The following ROBO2 variants were observed in gnomAD, a reference collection of about 807,000 sequenced individuals.
The protein encoded by ROBO2 is roundabout guidance receptor 2.
Under a neutral mutation model 160.8 loss-of-function variants are expected in ROBO2, and 53 were observed. The observed-to-expected ratio is 0.33, with a 90% CI of 0.26 to 0.41. The LOEUF (loss-of-function observed/expected upper bound fraction) is 0.41. ROBO2 is among the 10% of genes least tolerant of loss of function. The pLI, the probability that ROBO2 is intolerant of heterozygous loss-of-function variation, is 1.00. For missense variants in ROBO2, 1,577 were observed against 1,722.4 expected, an observed-to-expected ratio of 0.92 and a Z score of 1.49; for synonymous variants, 664 against 611.7, an observed-to-expected ratio of 1.09 and a Z score of -1.26.
intron 2 of ROBO2, among the ~76,000 whole-genome samples, chr3:76,214,276 C>T (rs1703346120): frequency 6.6e-6 from 1 of 152,200 alleles, no homozygotes; most frequent in African/African-American, 2.4e-5. Context: ...GCTGTGATTT[C>T]AATGTTCATG....
chr3:77,383,180 ACT>A (rs938847574), intron 2 of ROBO2, among the ~76,000 whole-genome samples: 2 of 152,076 alleles, frequency 1.3e-5, no homozygotes, highest in African/African-American at 4.8e-5. Context: ...AAGAAATGAG[ACT>A]CTAGAACCTC....
chr3:77,645,074 A>G (rs768479144), intron 25 of ROBO2, among the ~76,000 whole-genome samples, 170 bp downstream of exon 27: 5 of 152,210 alleles, frequency 3.3e-5, no homozygotes, highest in Non-Finnish European at 7.4e-5. Flanking sequence ...TGCTATATTT[A>G]TTGAAGTCCA....
intron 2 of ROBO2, among the ~76,000 whole-genome samples, chr3:76,723,766 A>G (rs1424536515): frequency 6.6e-6 from 1 of 152,196 alleles, no homozygotes; most frequent in Non-Finnish European, 1.5e-5. Context: ...TATCAACAAT[A>G]TTTATACAGA....
chr3:76,994,323 G>A (rs918439010), intron 2 of ROBO2, among the ~76,000 whole-genome samples: 10 of 152,086 alleles, frequency 6.6e-5, no homozygotes, highest in African/African-American at 2.4e-4. Context: ...TTGTGAACTT[G>A]ATTATTTCTA....
intron 2 of ROBO2, among the ~76,000 whole-genome samples, chr3:77,165,049 G>A (rs536080211): frequency 6.6e-6 from 1 of 152,078 alleles, no homozygotes; most frequent in African/African-American, 2.4e-5. Flanking sequence ...CCACCACCCC[G>A]TCTGGGAGGT....
chr3:76,606,300 A>G (rs1360759052), intron 2 of ROBO2, among the ~76,000 whole-genome samples: 1 of 152,212 alleles, frequency 6.6e-6, no homozygotes, highest in Non-Finnish European at 1.5e-5. Context: ...AACAGTGAAC[A>G]CACTGTAATA....
At chr3:76,694,710 A>C (rs1253488763) in intron 2 of ROBO2, among the ~76,000 whole-genome samples, 1 of 152,216 alleles carries the variant, frequency 6.6e-6, no homozygotes, top group Non-Finnish European at 1.5e-5. Context: ...TATGCAAAGT[A>C]TATGGTGCTA....
chr3:76,315,093 T>A (rs1232360881), intron 2 of ROBO2, among the ~76,000 whole-genome samples: 1 of 152,140 alleles, frequency 6.6e-6, no homozygotes, highest in African/African-American at 2.4e-5. Flanking sequence ...AAACATTGGC[T>A]AGTCTGAGCA....
At chr3:77,042,314 T>C (rs1291309038) in intron 1 of ROBO2, among the ~76,000 whole-genome samples, 2 of 152,250 alleles carry the variant, frequency 1.3e-5, no homozygotes, top group African/African-American at 4.8e-5. Context: ...TACATTACCG[T>C]AACAAAATAG....
At chr3:76,546,384 G>A (rs779958064) in intron 2 of ROBO2, among the ~76,000 whole-genome samples, 3 of 151,856 alleles carry the variant, frequency 2.0e-5, no homozygotes, top group Non-Finnish European at 3.0e-5. Context: ...GCTGCCCAAA[G>A]ATGCCTATGT....
At chr3:76,210,305 C>T (rs1052659113) in intron 2 of ROBO2, among the ~76,000 whole-genome samples, 1 of 152,054 alleles carries the variant, frequency 6.6e-6, no homozygotes, top group African/African-American at 2.4e-5. Context: ...TAAGCTATCT[C>T]AACTTCTAAA....
intron 2 of ROBO2, among the ~76,000 whole-genome samples, chr3:76,185,433 G>A (rs1011196044): frequency 2.0e-5 from 3 of 151,696 alleles, no homozygotes; most frequent in African/African-American, 7.3e-5. Flanking sequence ...ATGAGAGAAA[G>A]GAGGCAAAAA....
chr3:77,065,700 A>G (rs1023505936), intron 1 of ROBO2, among the ~76,000 whole-genome samples: 6 of 152,142 alleles, frequency 3.9e-5, no homozygotes, highest in Non-Finnish European at 8.8e-5. Context: ...TAGTAAAATA[A>G]TGTTATTGTT....
chr3:76,443,288 T>C (rs2077013450), intron 2 of ROBO2, among the ~76,000 whole-genome samples: 3 of 152,228 alleles, frequency 2.0e-5, no homozygotes, highest in Admixed American at 1.3e-4. Flanking sequence ...ACATTGGAGA[T>C]CACATTTCAA....
chr3:76,451,790 C>G (rs1355532350), intron 2 of ROBO2, among the ~76,000 whole-genome samples: 1 of 152,132 alleles, frequency 6.6e-6, no homozygotes, highest in East Asian at 1.9e-4. Flanking sequence ...TAAGAAAATT[C>G]TTTCCTATGG....
intron 2 of ROBO2, among the ~76,000 whole-genome samples, chr3:76,870,423 C>A (rs2071903305): frequency 2.0e-5 from 3 of 152,140 alleles, no homozygotes; most frequent in Admixed American, 1.3e-4. Context: ...CCAGTTTTTT[C>A]TGTTTAGCCA....
intron 2 of ROBO2, among the ~76,000 whole-genome samples, chr3:77,126,697 GATAT>G (rs148247989): frequency 7.1e-6 from 1 of 141,816 alleles, no homozygotes; most frequent in Non-Finnish European, 1.5e-5. Flanking sequence ...AATATGGGTG[GATAT>G]ATATATATAT....
intron 1 of ROBO2, among the ~76,000 whole-genome samples, chr3:77,089,568 T>C (rs968563213): frequency 2.0e-5 from 3 of 152,210 alleles, no homozygotes; most frequent in African/African-American, 7.2e-5. Flanking sequence ...GGTCTCAATT[T>C]TGATTTTGTT....
At chr3:76,882,010 G>C (rs1001367945) in intron 2 of ROBO2, among the ~76,000 whole-genome samples, 4 of 150,396 alleles carry the variant, frequency 2.7e-5, no homozygotes, top group Admixed American at 2.0e-4. Flanking sequence ...TTGGGTGGTA[G>C]TTTGGTTGTG....
Sources: gnomAD v4.1 joint callset for allele counts (sites outside exome capture counted in the v4.1 genomes callset) on GRCh38, gnomAD v4.1.1 for gene constraint, MANE v1.5 for transcripts, NCBI Gene and HGNC (gene_info 2026-07-23, HGNC 2026-07-21) for gene names.